AGO1: variants seen among roughly 807,000 people sequenced by gnomAD.
AGO1 encodes argonaute RISC component 1, also known as protein argonaute-1.
Under a neutral mutation model 109.2 loss-of-function variants are expected in AGO1, and 11 were observed. That is an observed-to-expected ratio of 0.10 (90% confidence interval 0.06 to 0.17). The LOEUF (loss-of-function observed/expected upper bound fraction) is 0.17, where lower values mean the gene tolerates loss of function less well. Among genes scored for constraint, AGO1 ranks in the 10% least tolerant of loss-of-function variants. The pLI is 1.00. For synonymous variants in AGO1, 422 were observed against 418.6 expected (o/e 1.01, Z -0.10); for missense variants, 574 against 1,140.3 (o/e 0.50, Z 7.15).
At chr1:35,881,569 G>A (rs1046386440), upstream of AGO1, among the ~76,000 whole-genome samples, 3 of 152,122 alleles carry the variant, frequency 2.0e-5, no homozygotes, top group Non-Finnish European at 2.9e-5. Context: ...TGATCCACCC[G>A]CCTTGGCCTC....
chr1:35,922,631 T>TGC lies in AGO1; in HGVS notation c.*3024_*3025insGC, dbSNP rs1645855334. On this transcript the variant is annotated 3_prime_UTR_variant, in exon 19 of 19. Coordinates refer to ENST00000373204, the MANE Select transcript of AGO1 (RefSeq NM_012199.5). The stretch of plus-strand genomic sequence containing the variant: ...GCCTGCCTGCCTGCCTGCCTGCCTG[T>TGC]CTGCCTATGTGATGATGAAATCTCT... 2 of 150,756 alleles carry TGC rather than the reference T, an allele frequency of 1.3e-5. No individual in the cohort carries two copies. The highest frequency in any genetic ancestry group is 2.9e-5 in the Non-Finnish European group (2 of 68,878). The allele number at this position is 150,756 out of a possible 1,614,324, so 9.3% of individuals were successfully genotyped here.
intron 2 of AGO1, among the ~76,000 whole-genome samples, chr1:35,889,972 C>T (rs1055331384): frequency 6.6e-6 from 1 of 151,578 alleles, no homozygotes; most frequent in Non-Finnish European, 1.5e-5. Flanking sequence ...ACCTAGGCCT[C>T]CCAAAGTACT....
At chr1:35,871,777 A>T (rs60248967) in intron 1 of AGO1, among the ~76,000 whole-genome samples, 13,315 of 151,152 alleles carry the variant, frequency 0.088, 824 homozygotes, top group African/African-American at 0.16. Context: ...CTTAAAAAAA[A>T]AATAATTGTT....
In AGO1 at chr1:35,901,189, T is replaced by C. The variant is rs1645410261; in HGVS notation, c.1021-285T>C. On this transcript the variant is annotated intron_variant, in intron 8 of 18. Transcript: ENST00000373204. The surrounding 1 kb of genome is among the most constrained non-coding windows in gnomAD (Gnocchi z 4.8). ...AGAGACTGGGTTGGCCAGGCTGGTC[T>C]TGAACTCCTGACCTCAAGTGATCTG... is the stretch of plus-strand genomic sequence containing the variant. Among the ~76,000 whole-genome samples the C allele has an allele frequency of 6.6e-6, 1 of 152,120 alleles. No homozygotes were observed. The highest frequency in any genetic ancestry group is 1.5e-5 in the Non-Finnish European group (1 of 68,030).
intron 16 of AGO1, 52 bp downstream of exon 16, chr1:35,917,779 A>G: frequency 1.3e-6 from 2 of 1,582,722 alleles, no homozygotes; most frequent in Non-Finnish European, 8.6e-7. Flanking sequence ...CCCTTATCTT[A>G]ATAGAGAAGA....
rs2148708875 is a variant in AGO1 at position 35,888,635 on chromosome 1, C to T, written c.209+25C>T. 1.2e-6 allele frequency: 2 copies of T among 1,610,968 alleles called. No homozygotes were observed. The highest frequency in any genetic ancestry group is 2.2e-5 in the East Asian group (1 of 44,790). Reference sequence around the variant, plus strand: ...GGTAAGTGATGCACACCTAAGCCACCAAATCTGAAAGACACCAACCTTGAA... The same window carrying T: ...GGTAAGTGATGCACACCTAAGCCACTAAATCTGAAAGACACCAACCTTGAA... On this transcript the variant is annotated intron_variant, in intron 2 of 18. Coordinates refer to ENST00000373204, the MANE Select transcript of AGO1 (RefSeq NM_012199.5). The surrounding 1 kb of genome is among the most constrained non-coding windows in gnomAD (Gnocchi z 4.1).
At position 35,914,005 on chromosome 1, in the gene AGO1, T is replaced by G. The variant is rs1015881753; in HGVS notation, c.1742+4T>G. On this transcript the variant is annotated splice_donor_region_variant and intron_variant, in intron 13 of 18. Transcript: ENST00000373204. ...ACATCCTAGTCCCACACCAGCGGTA[T>G]GAACTCTGTTGTCCACTTGCCCTTG... 8 of 1,613,842 alleles carry G rather than the reference T, an allele frequency of 5.0e-6. No homozygotes were observed. Among genetic ancestry groups the G allele is most frequent in the Middle Eastern group, 1.6e-4 (1 of 6,082 alleles).
Position 35,925,265 on chromosome 1 carries a change from T to TA in AGO1, c.*5659dup, listed in dbSNP as rs1362524771. ...GGATCTTGTAACTCTATGACTTACT[T>TA]ACGTTATTCTCCAGTATTTCTTGAA... is the stretch of plus-strand genomic sequence containing the variant. On this transcript the variant is annotated 3_prime_UTR_variant, in exon 19 of 19. Coordinates refer to ENST00000373204, the MANE Select transcript of AGO1 (RefSeq NM_012199.5). The TA allele has an allele frequency of 1.3e-5, 2 of 151,572 alleles. No homozygotes were observed. Among genetic ancestry groups the TA allele is most frequent in the African/African-American group, 2.4e-5 (1 of 41,140 alleles). The allele number at this position is 151,572 out of a possible 1,614,324, so 9.4% of individuals were successfully genotyped here. A position where few individuals can be genotyped will look rare whatever the true frequency, so the allele number is the denominator to read the frequency against.
intron 8 of AGO1, among the ~76,000 whole-genome samples, chr1:35,899,551 A>G (rs969870914): frequency 1.3e-5 from 2 of 152,230 alleles, no homozygotes; most frequent in African/African-American, 4.8e-5. Flanking sequence ...TTAATTCTGT[A>G]TCTTTAACCA....
At chr1:35,896,721 G>A (rs1317512157) in intron 8 of AGO1, among the ~76,000 whole-genome samples, 1 of 152,110 alleles carries the variant, frequency 6.6e-6, no homozygotes, top group Non-Finnish European at 1.5e-5. Context: ...TAGTCTTCTG[G>A]TGAGCTTCTA....
At chr1:35,884,714 C>T (rs1645091358) in intron 1 of AGO1, among the ~76,000 whole-genome samples, 3 of 151,994 alleles carry the variant, frequency 2.0e-5, no homozygotes, top group Admixed American at 2.0e-4. Context: ...TATTTGCAGG[C>T]AATGAGGAGG....
chr1:35,882,042 C>T (rs1645042593), upstream of AGO1, among the ~76,000 whole-genome samples: 1 of 152,140 alleles, frequency 6.6e-6, no homozygotes. The surrounding 1 kb of genome is among the most constrained non-coding windows in gnomAD (Gnocchi z 5.1). Context: ...TGGTGAACAG[C>T]TGAATAGATG....
At chr1:35,907,950 C>T (rs1475382651) in intron 12 of AGO1, among the ~76,000 whole-genome samples, 6 of 152,080 alleles carry the variant, frequency 3.9e-5, no homozygotes, top group Non-Finnish European at 8.8e-5. Context: ...CAAAGCAAGA[C>T]CTCATCTCTA....
intron 11 of AGO1, 43 bp downstream of exon 11, chr1:35,902,380 C>T: frequency 5.0e-6 from 8 of 1,597,306 alleles, no homozygotes; most frequent in Non-Finnish European, 6.8e-6. Flanking sequence ...GGGAAGGACC[C>T]TGGAGCTGCC....
Position 35,927,340 on chromosome 1 carries a change from T to C in AGO1, c.*7733T>C, listed in dbSNP as rs998002982. 6.6e-6 allele frequency: 1 copy of C among 152,224 alleles called. No individual in the cohort carries two copies. Among genetic ancestry groups the C allele is most frequent in the East Asian group, 1.9e-4 (1 of 5,204 alleles). The allele number at this position is 152,224 out of a possible 1,614,324, so 9.4% of individuals were successfully genotyped here. On this transcript the variant is annotated 3_prime_UTR_variant, in exon 19 of 19. Transcript: ENST00000373204. ...AATTTAATGTTACTCCAAGGTTGGT[T>C]AATTCAGTGGCTCAGTGATAACACC... is the stretch of plus-strand genomic sequence containing the variant.
intron 17 of AGO1, among the ~76,000 whole-genome samples, chr1:35,918,685 A>G (rs1645779125): frequency 6.6e-6 from 1 of 152,086 alleles, no homozygotes; most frequent in African/African-American, 2.4e-5. Context: ...CCTCCCAAGT[A>G]GCTGGGATTA....
intron 12 of AGO1, among the ~76,000 whole-genome samples, chr1:35,908,359 A>G (rs1645564512): frequency 6.6e-6 from 1 of 152,170 alleles, no homozygotes; most frequent in African/African-American, 2.4e-5. Flanking sequence ...CTGCCTTCTC[A>G]TTCTGCCTTT....
At chr1:35,882,885 G>A, upstream of AGO1, 1 of 985,428 alleles carries the variant, frequency 1.0e-6, no homozygotes, top group Non-Finnish European at 1.2e-6. This position sits in a 1 kb window ranked among gnomAD's most constrained non-coding sequence, Gnocchi z 5.1. Context: ...ATGAAGTGGG[G>A]TTCCCATAAT....
upstream of AGO1, among the ~76,000 whole-genome samples, chr1:35,879,906 G>A (rs1645022175): frequency 6.6e-6 from 1 of 152,152 alleles, no homozygotes; most frequent in Non-Finnish European, 1.5e-5. Context: ...AGATGGGTCA[G>A]AATAGTGACT....
Sources: allele counts gnomAD v4.1 joint callset (sites outside exome capture counted in the v4.1 genomes callset), GRCh38; gene constraint gnomAD v4.1.1; non-coding constraint Gnocchi (gnomAD v3.1); transcripts MANE v1.5; gene names NCBI Gene and HGNC (gene_info 2026-07-23, HGNC 2026-07-21).